ARHGEF7: variants seen among roughly 807,000 people sequenced by gnomAD.
ARHGEF7 encodes Rho guanine nucleotide exchange factor 7.
A neutral mutation model predicts 109.8 loss-of-function variants in ARHGEF7; 33 were observed. That is an observed-to-expected ratio of 0.30 (90% CI 0.23 to 0.40). The LOEUF (loss-of-function observed/expected upper bound fraction) is 0.40. Among genes scored for constraint, ARHGEF7 ranks in the 10% least tolerant of loss-of-function variants. ARHGEF7 has a pLI of 1.00. For synonymous variants in ARHGEF7, 458 were observed against 424.6 expected (o/e 1.08, Z -0.97); for missense variants, 938 against 1,098.5 (o/e 0.85, Z 2.07).
intron 2 of ARHGEF7, among the ~76,000 whole-genome samples, chr13:111,166,133 G>A (rs9588371): frequency 0.073 from 11,175 of 152,232 alleles, 661 homozygotes; most frequent in African/African-American, 0.16. Flanking sequence ...CTGGATCACT[G>A]CAGCAGCTCC....
rs936705741 is a variant in ARHGEF7, at chr13:111,266,947, T to TG, written c.951-600dup. 2.0e-5 allele frequency: 9 copies of TG among 454,696 alleles called. No homozygotes were observed. Among genetic ancestry groups the TG allele is most frequent in the Non-Finnish European group, 3.5e-5 (8 of 225,724 alleles). The allele number at this position is 454,696 out of a possible 1,614,324, so 28.2% of individuals were successfully genotyped here. A position where few individuals can be genotyped will look rare whatever the true frequency, so the allele number is the denominator to read the frequency against. On this transcript the variant is annotated intron_variant, in intron 8 of 21. Coordinates refer to ENST00000646102, the MANE Select transcript of ARHGEF7 (RefSeq NM_001354046.2). This position sits in a 1 kb window ranked among gnomAD's most constrained non-coding sequence, Gnocchi z 4.8. ...GAGGCGGCACCACCAGGGGCCCTGA[T>TG]GCCCACAGCTTGTGCCGACTTGTCA...
chr13:111,193,912 G>A (rs79625816), intron 2 of ARHGEF7, among the ~76,000 whole-genome samples: 7,157 of 152,260 alleles, frequency 0.047, 320 homozygotes, highest in Admixed American at 0.15. Flanking sequence ...GGCCACGCAT[G>A]TACATATTTG....
At chr13:111,154,534 G>A (rs1393889120) in intron 2 of ARHGEF7, among the ~76,000 whole-genome samples, 1 of 152,014 alleles carries the variant, frequency 6.6e-6, no homozygotes, top group Middle Eastern at 3.2e-3. Flanking sequence ...TGGTTTTTCC[G>A]TACCCTCAAC....
intron 2 of ARHGEF7, among the ~76,000 whole-genome samples, chr13:111,190,477 C>G (rs540633098): frequency 6.6e-6 from 1 of 152,208 alleles, no homozygotes; most frequent in South Asian, 2.1e-4. Flanking sequence ...TGGAGAGTCA[C>G]TGCTGCCAAA....
intron 2 of ARHGEF7, among the ~76,000 whole-genome samples, chr13:111,204,991 C>T (rs2081616338): frequency 6.7e-6 from 1 of 148,752 alleles, no homozygotes; most frequent in Non-Finnish European, 1.5e-5. Flanking sequence ...ATGCCAGCAG[C>T]CCACCCCCCC....
intron 8 of ARHGEF7, among the ~76,000 whole-genome samples, chr13:111,249,253 C>T (rs1160985064): frequency 6.6e-6 from 1 of 152,042 alleles, no homozygotes; most frequent in Non-Finnish European, 1.5e-5. Context: ...CAGGAGGTGC[C>T]CTGCCCGTTC....
chr13:111,209,059 A>G (rs544665421), intron 3 of ARHGEF7, among the ~76,000 whole-genome samples: 1 of 152,324 alleles, frequency 6.6e-6, no homozygotes, highest in East Asian at 1.9e-4. Flanking sequence ...AAGCCAATCC[A>G]AACACCTGGG....
chr13:111,266,887 G>A lies in ARHGEF7; in HGVS notation c.951-661G>A. 2.2e-6 allele frequency: 1 copy of A among 456,094 alleles called. No individual in the cohort carries two copies. The highest frequency in any genetic ancestry group is 4.4e-6 in the Non-Finnish European group (1 of 226,816). 28.3% of individuals were successfully genotyped at this position (456,094 alleles called of 1,614,324 possible). On this transcript the variant is annotated intron_variant, in intron 8 of 21. Coordinates refer to ENST00000646102, the MANE Select transcript of ARHGEF7 (RefSeq NM_001354046.2). The surrounding 1 kb of genome is among the most constrained non-coding windows in gnomAD (Gnocchi z 4.8). ...CTTCAGAAACTCTGAGGTCTGGAGA[G>A]GTGAGCGTGTACCCCGTTAGGCACA...
intron 15 of ARHGEF7, among the ~76,000 whole-genome samples, chr13:111,282,268 C>G (rs1301222749): frequency 6.6e-6 from 1 of 152,214 alleles, no homozygotes; most frequent in Admixed American, 6.5e-5. Flanking sequence ...TTCCAGTTCA[C>G]AGCGCCACAC....
At chr13:111,149,834 A>C (rs1221083638) in intron 1 of ARHGEF7, among the ~76,000 whole-genome samples, 1 of 152,256 alleles carries the variant, frequency 6.6e-6, no homozygotes, top group Non-Finnish European at 1.5e-5. Flanking sequence ...CAGTAATAAC[A>C]AATACATAAA....
intron 6 of ARHGEF7, among the ~76,000 whole-genome samples, chr13:111,240,701 A>G (rs138618649): frequency 0.012 from 1,775 of 152,344 alleles, 28 homozygotes; most frequent in African/African-American, 0.039. Flanking sequence ...AGCAGTGGAC[A>G]GGGAAGGGCT....
chr13:111,138,356 C>G (rs2153354025), intron 1 of ARHGEF7, among the ~76,000 whole-genome samples: 1 of 152,270 alleles, frequency 6.6e-6, no homozygotes, highest in African/African-American at 2.4e-5. Flanking sequence ...TGGCTCATGC[C>G]TGTAATCCCA....
intron 2 of ARHGEF7, among the ~76,000 whole-genome samples, chr13:111,157,247 A>C (rs903397095): frequency 2.1e-4 from 32 of 151,862 alleles, no homozygotes; most frequent in Admixed American, 1.8e-3. Flanking sequence ...TGCAACTTGG[A>C]TGACTTCATT....
At chr13:111,283,112 GC>G (rs1567073849) in intron 15 of ARHGEF7, 26 bp from the exon 16 acceptor site, 1 of 1,560,952 alleles carries the variant, frequency 6.4e-7, no homozygotes, top group Non-Finnish European at 8.7e-7. Context: ...CATGTTCTCT[GC>G]CCTTCCCGCT....
At chr13:111,248,810 C>A (rs962150013) in intron 8 of ARHGEF7, among the ~76,000 whole-genome samples, 2 of 152,190 alleles carry the variant, frequency 1.3e-5, no homozygotes, top group Non-Finnish European at 2.9e-5. Context: ...GTCCCATCTG[C>A]TGATTCTTTA....
At chr13:111,225,862 T>A (rs193156962) in intron 5 of ARHGEF7, among the ~76,000 whole-genome samples, 1 of 152,220 alleles carries the variant, frequency 6.6e-6, no homozygotes, top group African/African-American at 2.4e-5. Context: ...TTTATAACCT[T>A]ACTATGGCCT....
chr13:111,173,882 T>C (rs2077841238), intron 2 of ARHGEF7, among the ~76,000 whole-genome samples: 3 of 152,220 alleles, frequency 2.0e-5, no homozygotes, highest in Admixed American at 1.3e-4. Flanking sequence ...TTTATCAGGC[T>C]GCTTAACTGC....
chr13:111,127,479 C>T (rs2067644239), intron 1 of ARHGEF7, among the ~76,000 whole-genome samples: 1 of 151,552 alleles, frequency 6.6e-6, no homozygotes, highest in Non-Finnish European at 1.5e-5. Context: ...GTGAGACCCT[C>T]CCCCCATCAC....
rs539622867 is a variant in ARHGEF7, at chr13:111,269,099, A to G, written c.1073+1429A>G. On this transcript the variant is annotated intron_variant, in intron 9 of 21. Transcript: ENST00000646102. ...CACGTCCCGCTTGGGAGCGTGGGCC[A>G]TGTCCGCAGCATCTCCAAGCGTCCA... is the stretch of plus-strand genomic sequence containing the variant. Among the ~76,000 whole-genome samples the G allele has an allele frequency of 3.3e-5, 5 of 152,330 alleles. No individual in the cohort carries two copies. The East Asian group carries it at 5.8e-4, about 18-fold the overall frequency.
Sources: allele counts gnomAD v4.1 joint callset (sites outside exome capture counted in the v4.1 genomes callset), GRCh38; gene constraint gnomAD v4.1.1; non-coding constraint Gnocchi (gnomAD v3.1); transcripts MANE v1.5; gene names NCBI Gene and HGNC (gene_info 2026-07-23, HGNC 2026-07-21).